SYTL3: variants seen among roughly 807,000 people sequenced by gnomAD.
SYTL3 encodes the protein synaptotagmin like 3.
In SYTL3, 88 loss-of-function variants were observed where a neutral mutation model predicts 82.1. That is an observed-to-expected ratio of 1.07 (90% confidence interval 0.90 to 1.28). The LOEUF (loss-of-function observed/expected upper bound fraction) is 1.28, where lower values mean the gene tolerates loss of function less well. Ranked by LOEUF, SYTL3 falls within the 50% of genes most tolerant of loss-of-function variation. The pLI, the probability that SYTL3 is intolerant of heterozygous loss-of-function variation, is 0.00. For synonymous variants in SYTL3, 311 were observed against 289.4 expected (o/e 1.07, Z -0.76); for missense variants, 831 against 757.6 (o/e 1.10, Z -1.14).
At chr6:158,705,281 CAGTG>C (rs1158454070) in intron 6 of SYTL3, among the ~76,000 whole-genome samples, 24 of 18,556 alleles carry the variant, frequency 1.3e-3, no homozygotes, top group African/African-American at 7.0e-3. Context: ...GACAGGGTGA[CAGTG>C]AGGGCTGTAA....
At chr6:158,731,140 C>T (rs980619832) in intron 11 of SYTL3, among the ~76,000 whole-genome samples, 8 of 151,948 alleles carry the variant, frequency 5.3e-5, no homozygotes, top group Admixed American at 3.3e-4. Flanking sequence ...AAAAATTAGC[C>T]GGGCATGGTG....
At chr6:158,655,781 AAG>A (rs1366769274) in intron 2 of SYTL3, among the ~76,000 whole-genome samples, 2 of 152,264 alleles carry the variant, frequency 1.3e-5, no homozygotes, top group East Asian at 1.9e-4. Flanking sequence ...TGAGGACATG[AAG>A]CCCCAGAGGG....
chr6:158,760,483 AG>A (rs1405946576), intron 14 of SYTL3, among the ~76,000 whole-genome samples, 156 bp from the exon 15 acceptor site: 8 of 152,076 alleles, frequency 5.3e-5, no homozygotes, highest in Non-Finnish European at 1.2e-4. Flanking sequence ...CATAGATGGA[AG>A]GAAGACCAGT....
chr6:158,650,348 A>G (rs1787843185), intron 1 of SYTL3, among the ~76,000 whole-genome samples: 1 of 152,150 alleles, frequency 6.6e-6, no homozygotes, highest in Admixed American at 6.5e-5. Context: ...AACACTATCC[A>G]AAAGCTATAT....
chr6:158,685,347 G>T (rs2128411531), intron 6 of SYTL3, among the ~76,000 whole-genome samples: 1 of 151,810 alleles, frequency 6.6e-6, no homozygotes, highest in Non-Finnish European at 1.5e-5. Context: ...CTGAATAGCT[G>T]GGATTACAGG....
intron 6 of SYTL3, among the ~76,000 whole-genome samples, chr6:158,690,796 T>C (rs1040979887): frequency 6.6e-6 from 1 of 152,184 alleles, no homozygotes; most frequent in Non-Finnish European, 1.5e-5. Context: ...GCCACCGTGG[T>C]GGTTCATCTG....
chr6:158,762,237 C>T (rs1256625347), intron 16 of SYTL3, 59 bp downstream of exon 16: 1 of 1,233,950 alleles, frequency 8.1e-7, no homozygotes, highest in African/African-American at 1.5e-5. Context: ...ACAACATGGC[C>T]CAGAACCTGC....
intron 13 of SYTL3, 128 bp from the exon 14 acceptor site, chr6:158,757,083 A>G (rs1455825855): frequency 6.7e-6 from 6 of 890,424 alleles, no homozygotes; most frequent in Non-Finnish European, 9.9e-6. Context: ...TCTTGGACTC[A>G]GCCTGTGGGA....
intron 5 of SYTL3, among the ~76,000 whole-genome samples, chr6:158,676,637 A>T (rs1448374525): frequency 6.6e-6 from 1 of 152,196 alleles, no homozygotes; most frequent in South Asian, 2.1e-4. Context: ...AATGAGAGAA[A>T]ATTTTTGCAA....
chr6:158,698,784 G>C (rs1167340688), intron 6 of SYTL3, among the ~76,000 whole-genome samples: 1 of 151,856 alleles, frequency 6.6e-6, no homozygotes, highest in Non-Finnish European at 1.5e-5. Context: ...GTTCTGACAA[G>C]ATCCATATAT....
At chr6:158,680,575 C>CAAAAAAAAAAAAAAAAAAA (rs71297002) in intron 5 of SYTL3, among the ~76,000 whole-genome samples, 5 of 78,256 alleles carry the variant, frequency 6.4e-5, no homozygotes, top group Non-Finnish European at 7.9e-5. Context: ...CCCGTCTCTA[C>CAAAAAAAAAAAAAAAAAAA]AAAAAAAAAA....
At chr6:158,653,199 G>A (rs912063154) in intron 2 of SYTL3, among the ~76,000 whole-genome samples, 2 of 152,026 alleles carry the variant, frequency 1.3e-5, no homozygotes. Context: ...GCTGTAATCA[G>A]CTTCCGTAAA....
chr6:158,756,734 T>C (rs2128540986), intron 13 of SYTL3, among the ~76,000 whole-genome samples: 1 of 147,268 alleles, frequency 6.8e-6, no homozygotes, highest in Admixed American at 6.8e-5. Context: ...TTTTTTTTTT[T>C]TTTTTTTTTT....
chr6:158,761,228 CGTG>C (rs541343059), intron 15 of SYTL3, among the ~76,000 whole-genome samples: 266 of 151,072 alleles, frequency 1.8e-3, no homozygotes, highest in African/African-American at 6.2e-3. Context: ...CCTTCAATAA[CGTG>C]GGGCGTGTGG....
chr6:158,703,816 TATTATC>T (rs201615364), intron 6 of SYTL3, among the ~76,000 whole-genome samples: 7,037 of 102,646 alleles, frequency 0.069, 222 homozygotes, highest in Non-Finnish European at 0.082. Context: ...GGTTTTATAT[TATTATC>T]ATTATTATTA....
chr6:158,725,859 G>T, intron 11 of SYTL3: 1 of 708,468 alleles, frequency 1.4e-6, no homozygotes, highest in Non-Finnish European at 2.6e-6. Flanking sequence ...CTCCAGGTGT[G>T]TCAGCAGATT....
intron 11 of SYTL3, among the ~76,000 whole-genome samples, chr6:158,728,931 T>G (rs977819688): frequency 5.9e-5 from 9 of 152,108 alleles, no homozygotes; most frequent in Non-Finnish European, 1.2e-4. Flanking sequence ...TCCCAGCTAC[T>G]CAGGAGGCTG....
Position 158,745,470 on chromosome 6 carries a change from T to G in SYTL3, c.856-10T>G. On this transcript the variant is annotated splice_polypyrimidine_tract_variant and intron_variant, in intron 11 of 17. Transcript: ENST00000611299. ...AAGTAACTTATTATATCTGTTATTC[T>G]TGATTTCAGGGAAGTTTAATTAGCA... is the stretch of plus-strand genomic sequence containing the variant. The G allele has an allele frequency of 6.2e-7, 1 of 1,605,144 alleles. No homozygotes were observed. The highest frequency in any genetic ancestry group is 8.5e-7 in the Non-Finnish European group (1 of 1,177,454).
intron 9 of SYTL3, among the ~76,000 whole-genome samples, chr6:158,714,235 C>T (rs1256939212): frequency 1.3e-5 from 2 of 152,106 alleles, no homozygotes; most frequent in East Asian, 3.9e-4. Context: ...GCCTGTAATC[C>T]CAGCTACTGG....
Sources: gnomAD v4.1 joint callset for allele counts (sites outside exome capture counted in the v4.1 genomes callset) on GRCh38, gnomAD v4.1.1 for gene constraint, MANE v1.5 for transcripts, NCBI Gene and HGNC (gene_info 2026-07-23, HGNC 2026-07-21) for gene names.